ACSS3: variants seen among roughly 807,000 people sequenced by gnomAD.
ACSS3 encodes the protein acyl-CoA synthetase short-chain family member 3, mitochondrial.
Under a neutral mutation model 84.2 loss-of-function variants are expected in ACSS3, and 64 were observed. The ratio of observed to expected loss-of-function variants is 0.76; its 90% confidence interval spans 0.62 to 0.94. ACSS3 has a LOEUF of 0.94. Among genes scored for constraint, ACSS3 ranks in the 40% least tolerant of loss-of-function variants. The probability of loss-of-function intolerance (pLI) is 0.00; values close to 1 mark genes in which losing one functional copy is unlikely to be tolerated. For missense variants in ACSS3, 815 were observed against 867.6 expected, an observed-to-expected ratio of 0.94 and a Z score of 0.76; for synonymous variants, 317 against 310.1, an observed-to-expected ratio of 1.02 and a Z score of -0.23.
At chr12:81,199,663 T>C in intron 9 of ACSS3, 1 of 1,463,460 alleles carries the variant, frequency 6.8e-7, no homozygotes, top group Non-Finnish European at 9.1e-7. Flanking sequence ...TCCCTAGGTA[T>C]AAAGCACTAA....
chr12:81,132,978 A>T (rs1238850152), intron 2 of ACSS3, among the ~76,000 whole-genome samples: 1 of 152,092 alleles, frequency 6.6e-6, no homozygotes, highest in Non-Finnish European at 1.5e-5. Flanking sequence ...TTTGAGTTCC[A>T]TATATAATTC....
intron 9 of ACSS3, among the ~76,000 whole-genome samples, chr12:81,200,909 A>G (rs886497397): frequency 6.6e-6 from 1 of 151,380 alleles, no homozygotes; most frequent in African/African-American, 2.4e-5. Flanking sequence ...AAAAAAAAGA[A>G]AAAGAAAGAA....
At chr12:81,219,986 T>C (rs958105439) in intron 10 of ACSS3, 27 bp from the exon 11 acceptor site, 20 of 1,401,156 alleles carry the variant, frequency 1.4e-5, no homozygotes, top group Admixed American at 2.4e-5. Flanking sequence ...TGAATTTTTA[T>C]TCAAATATTT....
At chr12:81,209,699 C>A (rs2032508712) in intron 9 of ACSS3, among the ~76,000 whole-genome samples, 1 of 152,166 alleles carries the variant, frequency 6.6e-6, no homozygotes, top group South Asian at 2.1e-4. Context: ...ATAGGAAGAG[C>A]AGCCCGAACG....
At chr12:81,209,671 A>T (rs1361792439) in intron 9 of ACSS3, among the ~76,000 whole-genome samples, 1 of 152,180 alleles carries the variant, frequency 6.6e-6, no homozygotes, top group Non-Finnish European at 1.5e-5. Flanking sequence ...AAGTAAAGGA[A>T]AAAAAGAGTG....
At chr12:81,232,736 A>G (rs960110785) in intron 12 of ACSS3, among the ~76,000 whole-genome samples, 1 of 151,804 alleles carries the variant, frequency 6.6e-6, no homozygotes, top group Non-Finnish European at 1.5e-5. Context: ...ATGTTCATAA[A>G]CATAGGTATC....
chr12:81,202,358 T>G (rs374518200), intron 9 of ACSS3, among the ~76,000 whole-genome samples: 17 of 151,906 alleles, frequency 1.1e-4, no homozygotes, highest in Admixed American at 6.6e-4. Flanking sequence ...GCTATCAAAT[T>G]GATGTTTGAT....
At chr12:81,227,060 G>C (rs2033297958) in intron 11 of ACSS3, among the ~76,000 whole-genome samples, 1 of 151,120 alleles carries the variant, frequency 6.6e-6, no homozygotes, top group South Asian at 2.1e-4. Flanking sequence ...AGCTCATGCA[G>C]TTGTGAAGGC....
At chr12:81,181,768 A>AAAAAAAAAAAAAAAAAG (rs1555178623) in intron 8 of ACSS3, among the ~76,000 whole-genome samples, 1 of 143,608 alleles carries the variant, frequency 7.0e-6, no homozygotes, top group African/African-American at 2.6e-5. Context: ...AAAAAAAAAA[A>AAAAAAAAAAAAAAAAAG]GCAATAGAGA....
chr12:81,246,813 C>A (rs1485284710), intron 13 of ACSS3, among the ~76,000 whole-genome samples: 1 of 151,966 alleles, frequency 6.6e-6, no homozygotes, highest in Non-Finnish European at 1.5e-5. Flanking sequence ...AAAAGAGGAT[C>A]AGAAAAAATA....
At chr12:81,209,710 G>A (rs2032509679) in intron 9 of ACSS3, among the ~76,000 whole-genome samples, 1 of 152,158 alleles carries the variant, frequency 6.6e-6, no homozygotes, top group Non-Finnish European at 1.5e-5. Flanking sequence ...AGCCCGAACG[G>A]CTACTGGTTG....
At chr12:81,123,048 T>C (rs1644296570) in intron 2 of ACSS3, among the ~76,000 whole-genome samples, 1 of 130,286 alleles carries the variant, frequency 7.7e-6, no homozygotes, top group Non-Finnish European at 1.6e-5. Context: ...AGTTTAAATA[T>C]AATGCATTTG....
At chr12:81,214,541 G>A (rs940441161) in intron 9 of ACSS3, among the ~76,000 whole-genome samples, 1 of 152,120 alleles carries the variant, frequency 6.6e-6, no homozygotes, top group Admixed American at 6.5e-5. Context: ...GTATAAAAAA[G>A]ATGAAGAATA....
intron 7 of ACSS3, among the ~76,000 whole-genome samples, chr12:81,168,545 T>C (rs1307957633): frequency 6.6e-6 from 1 of 152,182 alleles, no homozygotes; most frequent in Non-Finnish European, 1.5e-5. Context: ...ATGAGAGTGA[T>C]ACTCTTTAAA....
chr12:81,231,074 G>C lies in ACSS3; in HGVS notation c.1532G>C (p.Gly511Ala), dbSNP rs2033442759. 6.2e-7 allele frequency: 1 copy of C among 1,610,400 alleles called. No homozygotes were observed. ...TATATAAGGTTACCATTGCCACCTGGGGCTTTTTCAGGACTCTGGAAGAAT... is the reference window on the plus strand; with the variant it reads ...TATATAAGGTTACCATTGCCACCTGCGGCTTTTTCAGGACTCTGGAAGAAT... The part of the protein sequence containing the change: ...NIVVKLPLPP[G>A]AFSGLWKNQE... The change falls in exon 12 of 16, where the codon GGG (glycine) becomes GCG (alanine). Residue 511 changes from glycine (G) to alanine (A), a missense_variant. Gly to Ala is a moderately conservative substitution (Grantham distance 60). Coordinates refer to ENST00000548058, the MANE Select transcript of ACSS3 (RefSeq NM_024560.4).
chr12:81,204,326 TTCC>T (rs1415817730), intron 9 of ACSS3, among the ~76,000 whole-genome samples: 1 of 150,608 alleles, frequency 6.6e-6, no homozygotes, highest in Non-Finnish European at 1.5e-5. Flanking sequence ...CTCTTCTTCC[TTCC>T]TCCTCTTCTT....
chr12:81,240,888 A>G (rs2033777924), intron 13 of ACSS3, among the ~76,000 whole-genome samples: 1 of 151,946 alleles, frequency 6.6e-6, no homozygotes, highest in South Asian at 2.1e-4. Context: ...CACCATGTGC[A>G]GGTTAGTTAC....
At chr12:81,198,873 A>G (rs1052831594) in intron 8 of ACSS3, among the ~76,000 whole-genome samples, 1 of 152,224 alleles carries the variant, frequency 6.6e-6, no homozygotes, top group Non-Finnish European at 1.5e-5. Context: ...AATCTTTATC[A>G]TAGGATCTCA....
intron 1 of ACSS3, among the ~76,000 whole-genome samples, chr12:81,091,097 G>A (rs201053122): frequency 1.3e-5 from 2 of 151,294 alleles, no homozygotes; most frequent in South Asian, 2.1e-4. Context: ...TTTGATTCAC[G>A]GTTGGTTGAA....
Sources: allele counts gnomAD v4.1 joint callset (sites outside exome capture counted in the v4.1 genomes callset), GRCh38; gene constraint gnomAD v4.1.1; transcripts MANE v1.5; gene names NCBI Gene and HGNC (gene_info 2026-07-23, HGNC 2026-07-21).